GAREM1: variants seen among roughly 807,000 people sequenced by gnomAD.
GAREM1 encodes the protein GRB2 associated regulator of MAPK1 subtype 1.
In GAREM1, 26 loss-of-function variants were observed where a neutral mutation model predicts 71.3. The observed-to-expected ratio is 0.36, with a 90% CI of 0.27 to 0.51. The LOEUF (loss-of-function observed/expected upper bound fraction) is 0.51. Among genes scored for constraint, GAREM1 ranks in the 20% least tolerant of loss-of-function variants. The pLI is 0.95. For synonymous variants in GAREM1, 440 were observed against 433.2 expected, an observed-to-expected ratio of 1.02 and a Z score of -0.20; for missense variants, 1,026 against 1,103.1, an observed-to-expected ratio of 0.93 and a Z score of 0.99.
intron 2 of GAREM1, among the ~76,000 whole-genome samples, chr18:32,370,170 C>T (rs1265364331): frequency 1.3e-5 from 2 of 152,048 alleles, no homozygotes; most frequent in African/African-American, 4.8e-5. Context: ...CGGTGGCTCA[C>T]GCCTGTAATC....
chr18:32,428,224 C>T (rs1352043880), intron 1 of GAREM1, among the ~76,000 whole-genome samples: 1 of 152,158 alleles, frequency 6.6e-6, no homozygotes, highest in Non-Finnish European at 1.5e-5. Context: ...CCATTAGAGG[C>T]TTTAATTCTT....
chr18:32,424,376 G>A (rs1490107752), intron 1 of GAREM1, among the ~76,000 whole-genome samples: 1 of 151,930 alleles, frequency 6.6e-6, no homozygotes, highest in Non-Finnish European at 1.5e-5. Context: ...TTTCAACTTG[G>A]GATTCCATTT....
At chr18:32,308,774 A>C (rs1321162861) in intron 3 of GAREM1, among the ~76,000 whole-genome samples, 1 of 150,618 alleles carries the variant, frequency 6.6e-6, no homozygotes, top group African/African-American at 2.5e-5. Context: ...TACTTAGTAA[A>C]GATTTTACAA....
intron 1 of GAREM1, among the ~76,000 whole-genome samples, chr18:32,459,851 T>C (rs904181058): frequency 1.3e-5 from 2 of 152,126 alleles, no homozygotes; most frequent in Non-Finnish European, 2.9e-5. Context: ...GAATATAGCA[T>C]CTGCACAGAC....
rs117461004 is a variant in GAREM1 at position 32,422,995 on chromosome 18, G to A, written c.122-29960C>T. ...ACCATCTGAGAGGGAAAACTAAATC[G>A]CCTATTCTATAAAATAAATGAGATA... On this transcript the variant is annotated intron_variant, in intron 1 of 5. Transcript: ENST00000269209. Among the ~76,000 whole-genome samples, 70 of 152,252 alleles carry A rather than the reference G, an allele frequency of 4.6e-4. No homozygotes were observed. The East Asian group carries it at 0.011, about 24-fold the overall frequency.
At chr18:32,369,565 C>T (rs1173527570) in intron 2 of GAREM1, among the ~76,000 whole-genome samples, 1 of 152,024 alleles carries the variant, frequency 6.6e-6, no homozygotes, top group Admixed American at 6.5e-5. Flanking sequence ...AGTATCAACC[C>T]CCAGAATCTT....
rs766707463 is a variant in GAREM1, at chr18:32,267,867, T to C, written c.*4A>G. ...TTGTTCCATGCTGGCCGGGGGTTAT[T>C]TGGCTATATTTTGGGCCTCCAGCCA... On this transcript the variant is annotated 3_prime_UTR_variant, in exon 6 of 6. Transcript: ENST00000269209. 4 of 1,605,272 alleles carry C rather than the reference T, an allele frequency of 2.5e-6. No individual in the cohort carries two copies. The African/African-American group carries it at 5.4e-5, about 21-fold the overall frequency.
At chr18:32,453,475 C>T (rs1163029821) in intron 1 of GAREM1, among the ~76,000 whole-genome samples, 1 of 152,110 alleles carries the variant, frequency 6.6e-6, no homozygotes, top group Non-Finnish European at 1.5e-5. Flanking sequence ...TTTGAGGGTC[C>T]TAGGAGAGAT....
chr18:32,336,102 C>T (rs1435681994), intron 2 of GAREM1, among the ~76,000 whole-genome samples: 2 of 152,102 alleles, frequency 1.3e-5, no homozygotes, highest in East Asian at 1.9e-4. Context: ...TATCTGTAAA[C>T]AAACAATAAT....
chr18:32,407,623 G>T (rs531214708), intron 1 of GAREM1, among the ~76,000 whole-genome samples: 1 of 152,254 alleles, frequency 6.6e-6, no homozygotes, highest in South Asian at 2.1e-4. Context: ...TGGCAACCAA[G>T]ATCTAGCTTT....
At chr18:32,299,254 C>A (rs1042866313) in intron 3 of GAREM1, among the ~76,000 whole-genome samples, 2 of 152,040 alleles carry the variant, frequency 1.3e-5, no homozygotes, top group African/African-American at 4.8e-5. Flanking sequence ...GTGGCTCATG[C>A]CTGTAATCCC....
At chr18:32,331,156 T>C (rs758406949) in intron 2 of GAREM1, among the ~76,000 whole-genome samples, 1 of 152,202 alleles carries the variant, frequency 6.6e-6, no homozygotes, top group Non-Finnish European at 1.5e-5. Context: ...TAGCAACAGT[T>C]TAAAATTTCA....
At chr18:32,339,309 G>A (rs2047627064) in intron 2 of GAREM1, among the ~76,000 whole-genome samples, 1 of 152,146 alleles carries the variant, frequency 6.6e-6, no homozygotes, top group South Asian at 2.1e-4. Context: ...ACTGATAAGT[G>A]CCTGGAAGAA....
chr18:32,368,574 T>G (rs1237067234), intron 2 of GAREM1, among the ~76,000 whole-genome samples: 1 of 152,178 alleles, frequency 6.6e-6, no homozygotes, highest in Admixed American at 6.5e-5. Flanking sequence ...ACTGCCTTAT[T>G]TATAACCTCT....
intron 2 of GAREM1, among the ~76,000 whole-genome samples, chr18:32,345,710 G>C (rs914536435): frequency 3.9e-5 from 6 of 152,204 alleles, no homozygotes; most frequent in Non-Finnish European, 5.9e-5. Flanking sequence ...ACATCGCTAA[G>C]CTGATGAAAG....
At chr18:32,348,674 G>C (rs112896350) in intron 2 of GAREM1, among the ~76,000 whole-genome samples, 116 of 152,274 alleles carry the variant, frequency 7.6e-4, no homozygotes, top group African/African-American at 2.6e-3. Flanking sequence ...CAGTGAGCAA[G>C]ATCGTGCCAC....
intron 1 of GAREM1, among the ~76,000 whole-genome samples, chr18:32,459,654 C>T (rs1021247189): frequency 2.0e-5 from 3 of 152,028 alleles, no homozygotes; most frequent in Non-Finnish European, 2.9e-5. Context: ...TGTGGGTCAG[C>T]GGTCAAAGGT....
At chr18:32,318,054 G>A (rs933558782) in intron 2 of GAREM1, among the ~76,000 whole-genome samples, 2 of 152,170 alleles carry the variant, frequency 1.3e-5, no homozygotes, top group Non-Finnish European at 2.9e-5. Flanking sequence ...AAGCTGCATT[G>A]TCTTTCAGGA....
chr18:32,340,821 G>A (rs955520556), intron 2 of GAREM1, among the ~76,000 whole-genome samples: 1 of 152,086 alleles, frequency 6.6e-6, no homozygotes, highest in Non-Finnish European at 1.5e-5. Context: ...GATATCCCAA[G>A]GAGTCTAGTC....
Sources: allele counts gnomAD v4.1 joint callset (sites outside exome capture counted in the v4.1 genomes callset), GRCh38; gene constraint gnomAD v4.1.1; transcripts MANE v1.5; gene names NCBI Gene and HGNC (gene_info 2026-07-23, HGNC 2026-07-21).